The following CA10 variants were observed in gnomAD, a reference collection of about 807,000 sequenced individuals.
The protein encoded by CA10 is carbonic anhydrase-related protein 10.
In CA10, 14 loss-of-function variants were observed where a neutral mutation model predicts 44.2. That is an observed-to-expected ratio of 0.32 (90% CI 0.21 to 0.50). CA10 has a LOEUF of 0.50. Among genes scored for constraint, CA10 ranks in the 20% least tolerant of loss-of-function variants. The pLI, the probability that CA10 is intolerant of heterozygous loss-of-function variation, is 0.99. For missense variants in CA10, 350 were observed against 409.7 expected, an observed-to-expected ratio of 0.85 and a Z score of 1.26; for synonymous variants, 159 against 141.6, an observed-to-expected ratio of 1.12 and a Z score of -0.87.
rs1193777884 is a variant in CA10, at chr17:51,635,999, A to G, written c.645T>C (p.Tyr215=). Residue 215 remains tyrosine (Y), a synonymous_variant, in exon 7 of 9, where the codon TAT becomes TAC. Transcript: ENST00000451037. ...ITRITYKNDA[Y]LLQGLNIEEL... ...CCTCTATATTAAGCCCCTGTAGTAA[A>G]TATGCATCATCTAGAGAAGGAAAGA... The G allele has an allele frequency of 1.3e-6, 2 of 1,573,398 alleles. No homozygotes were observed. Among genetic ancestry groups the G allele is most frequent in the Admixed American group, 1.9e-5 (1 of 53,526 alleles).
At chr17:51,714,783 T>C (rs1465090911) in intron 4 of CA10, among the ~76,000 whole-genome samples, 5 of 152,188 alleles carry the variant, frequency 3.3e-5, no homozygotes, top group Admixed American at 6.5e-5. Context: ...CTATGAGGGA[T>C]GATTTCAGTT....
At chr17:52,047,301 G>A (rs1341307363) in intron 2 of CA10, among the ~76,000 whole-genome samples, 1 of 151,930 alleles carries the variant, frequency 6.6e-6, no homozygotes, top group Non-Finnish European at 1.5e-5. Flanking sequence ...GGGGTCAGAG[G>A]AGTTCCTCTA....
intron 2 of CA10, among the ~76,000 whole-genome samples, chr17:52,024,463 G>C (rs892123619): frequency 6.6e-6 from 1 of 151,536 alleles, no homozygotes; most frequent in Non-Finnish European, 1.5e-5. Flanking sequence ...CTATAAACCC[G>C]TGCATGCTTG....
At chr17:51,804,576 T>G (rs1243650924) in intron 3 of CA10, among the ~76,000 whole-genome samples, 1 of 152,226 alleles carries the variant, frequency 6.6e-6, no homozygotes. Flanking sequence ...TTTCTATTAA[T>G]ATAGACTCCC....
At chr17:52,023,709 C>A (rs1986210626) in intron 2 of CA10, among the ~76,000 whole-genome samples, 3 of 133,156 alleles carry the variant, frequency 2.3e-5, no homozygotes, top group African/African-American at 8.2e-5. Context: ...AAAAAAAAAA[C>A]TTGCAAAGTA....
chr17:51,701,485 TTTA>T (rs200063687), intron 4 of CA10, among the ~76,000 whole-genome samples: 11 of 148,010 alleles, frequency 7.4e-5, no homozygotes, highest in African/African-American at 2.9e-4. Context: ...CATTTATTTA[TTTA>T]TTTTTTTTAT....
chr17:52,090,532 A>C (rs1453284344), intron 1 of CA10, among the ~76,000 whole-genome samples: 1 of 152,150 alleles, frequency 6.6e-6, no homozygotes, highest in African/African-American at 2.4e-5. Context: ...ACAATTACTA[A>C]GAAAATTGGC....
chr17:51,730,159 T>C (rs909078262), intron 4 of CA10, among the ~76,000 whole-genome samples: 2 of 152,158 alleles, frequency 1.3e-5, no homozygotes, highest in Non-Finnish European at 2.9e-5. Flanking sequence ...AAATATCTCC[T>C]TACTAGAATG....
At chr17:51,806,329 T>G (rs1249682086) in intron 3 of CA10, among the ~76,000 whole-genome samples, 1 of 152,244 alleles carries the variant, frequency 6.6e-6, no homozygotes. Flanking sequence ...TGACCCATTT[T>G]GGGAGGCTTT....
chr17:51,796,156 C>T (rs957747408), intron 3 of CA10, among the ~76,000 whole-genome samples: 1 of 152,026 alleles, frequency 6.6e-6, no homozygotes, highest in East Asian at 1.9e-4. Context: ...CCCGAGGACC[C>T]CTAACATGGA....
At chr17:51,888,724 C>T (rs1028988485) in intron 3 of CA10, among the ~76,000 whole-genome samples, 1 of 152,122 alleles carries the variant, frequency 6.6e-6, no homozygotes, top group Non-Finnish European at 1.5e-5. Context: ...TAATGCTTTG[C>T]CACTGAGATT....
chr17:51,680,716 G>A (rs1914815895), intron 4 of CA10, among the ~76,000 whole-genome samples: 1 of 152,288 alleles, frequency 6.6e-6, no homozygotes, highest in African/African-American at 2.4e-5. Flanking sequence ...AAGGTCACAT[G>A]TCCTCCCCTG....
Position 51,659,037 on chromosome 17 carries a change from CTGGG to C in CA10, c.466-5305_466-5302del, listed in dbSNP as rs1417561447. ...TGGTTAATTTTATATGGCAACTTGA[CTGGG>C]CAAAGGGATGCCCAGACAGCAGGAA... On this transcript the variant is annotated intron_variant, in intron 4 of 8. Coordinates refer to ENST00000451037, the MANE Select transcript of CA10 (RefSeq NM_020178.5). Among the ~76,000 whole-genome samples, 9 of 152,268 alleles carry C rather than the reference CTGGG, an allele frequency of 5.9e-5. No individual in the cohort carries two copies. In the East Asian group the frequency reaches 1.5e-3, roughly 26 times the overall value.
chr17:51,728,320 G>A (rs1916598765), intron 4 of CA10, among the ~76,000 whole-genome samples: 1 of 151,674 alleles, frequency 6.6e-6, no homozygotes, highest in South Asian at 2.1e-4. Context: ...GTTAACATTG[G>A]CACAACACTA....
At chr17:52,022,447 T>A (rs1986172168) in intron 2 of CA10, among the ~76,000 whole-genome samples, 1 of 152,024 alleles carries the variant, frequency 6.6e-6, no homozygotes, top group Non-Finnish European at 1.5e-5. Context: ...ATTGAAGGAA[T>A]GTATCTCAAA....
intron 1 of CA10, among the ~76,000 whole-genome samples, chr17:52,140,377 C>T (rs1989451688): frequency 6.6e-6 from 1 of 152,120 alleles, no homozygotes; most frequent in South Asian, 2.1e-4. Context: ...CTCAACTTTG[C>T]CCCTACGGTG....
At chr17:51,754,398 GTGAT>G (rs1905004790) in intron 3 of CA10, among the ~76,000 whole-genome samples, 1 of 96,484 alleles carries the variant, frequency 1.0e-5, no homozygotes, top group Non-Finnish European at 2.0e-5. Flanking sequence ...CTGTGTGTGT[GTGAT>G]ATATATATAT....
At position 51,735,599 on chromosome 17, in the gene CA10, T is replaced by C. The variant is rs1000614466; in HGVS notation, c.465+12034A>G. ...ACAGATGATGCAGCTTGAAGAAGCA[T>C]GTCATTGCTAATAAAAACAACCATT... On this transcript the variant is annotated intron_variant, in intron 4 of 8. Coordinates refer to ENST00000451037, the MANE Select transcript of CA10 (RefSeq NM_020178.5). Among the ~76,000 whole-genome samples, 3 of 152,204 alleles carry C rather than the reference T, an allele frequency of 2.0e-5. No individual in the cohort carries two copies. The South Asian group carries it at 6.2e-4, about 32-fold the overall frequency.
chr17:51,709,875 A>G (rs1453818519), intron 4 of CA10, among the ~76,000 whole-genome samples: 2 of 152,232 alleles, frequency 1.3e-5, no homozygotes, highest in East Asian at 3.9e-4. Context: ...TGCTGCGTGC[A>G]GTGGCATTGT....
Sources: allele counts gnomAD v4.1 joint callset (sites outside exome capture counted in the v4.1 genomes callset), GRCh38; gene constraint gnomAD v4.1.1; transcripts MANE v1.5; gene names NCBI Gene and HGNC (gene_info 2026-07-23, HGNC 2026-07-21).